Variants in ELP2 observed in about 807,000 individuals in gnomAD.
ELP2 encodes elongator complex protein 2.
ELP2 carries 90 observed loss-of-function variants against 119.2 expected under a neutral mutation model. The ratio of observed to expected loss-of-function variants is 0.75; its 90% CI spans 0.64 to 0.90. The LOEUF (loss-of-function observed/expected upper bound fraction) is 0.90. ELP2 is among the 40% of genes least tolerant of loss of function. ELP2 has a pLI of 0.00. For missense variants in ELP2, 921 were observed against 967.8 expected, an observed-to-expected ratio of 0.95 and a Z score of 0.64; for synonymous variants, 339 against 331.0, an observed-to-expected ratio of 1.02 and a Z score of -0.26.
chr18:36,168,661 C>T (rs1231443425), intron 19 of ELP2, among the ~76,000 whole-genome samples: 1 of 152,158 alleles, frequency 6.6e-6, no homozygotes, highest in Non-Finnish European at 1.5e-5. Flanking sequence ...CCTCCCACAA[C>T]ATACAGGGAT....
At chr18:36,137,440 G>A (rs969171436) in intron 3 of ELP2, among the ~76,000 whole-genome samples, 1 of 152,152 alleles carries the variant, frequency 6.6e-6, no homozygotes, top group African/African-American at 2.4e-5. Flanking sequence ...TTTAGTGGCA[G>A]AATTCTGTTT....
At chr18:36,161,435 A>G (rs1032962139) in intron 17 of ELP2, among the ~76,000 whole-genome samples, 2 of 152,144 alleles carry the variant, frequency 1.3e-5, no homozygotes, top group Non-Finnish European at 2.9e-5. Context: ...AATTTGATGA[A>G]TTTTAAATAA....
chr18:36,173,661 T>C (rs2091148091), intron 21 of ELP2, among the ~76,000 whole-genome samples: 1 of 152,230 alleles, frequency 6.6e-6, no homozygotes, highest in Admixed American at 6.5e-5. Flanking sequence ...GACTTCATTC[T>C]TCCCTTTTAA....
At position 36,178,114 on chromosome 18, in the gene ELP2, TC is replaced by T. The variant is rs1208675122; in HGVS notation, c.*3475del. 6.6e-6 allele frequency: 1 copy of T among 152,228 alleles called. No individual in the cohort carries two copies. The highest frequency in any genetic ancestry group is 1.9e-4 in the East Asian group (1 of 5,204). The allele number at this position is 152,228 out of a possible 1,614,324, so 9.4% of individuals were successfully genotyped here. A position where few individuals can be genotyped will look rare whatever the true frequency, so the allele number is the denominator to read the frequency against. On this transcript the variant is annotated 3_prime_UTR_variant, in exon 22 of 22. Coordinates refer to ENST00000358232, the MANE Select transcript of ELP2 (RefSeq NM_018255.4). ...TAACAAGCTGCCCTCCCCAACTCCC[TC>T]CTTCCTGTTTCTCCCTCCTCGGCAC...
chr18:36,146,183 C>T (rs1324726635), intron 10 of ELP2, 67 bp from the exon 11 acceptor site: 2 of 1,601,308 alleles, frequency 1.2e-6, no homozygotes, highest in African/African-American at 1.3e-5. Flanking sequence ...TCTCTGGAAT[C>T]AGCGATTTCT....
chr18:36,155,363 A>G (rs1022895221), intron 12 of ELP2, among the ~76,000 whole-genome samples: 1 of 151,568 alleles, frequency 6.6e-6, no homozygotes, highest in Non-Finnish European at 1.5e-5. Context: ...AACATCCATG[A>G]ACACAAGAAA....
intron 19 of ELP2, among the ~76,000 whole-genome samples, chr18:36,169,446 GC>G (rs2091011221): frequency 6.6e-6 from 1 of 150,962 alleles, no homozygotes; most frequent in Non-Finnish European, 1.5e-5. Context: ...GAGTGCAGTG[GC>G]ACGATCTCGG....
In ELP2 at chr18:36,144,935, A is replaced by G. The variant is rs748697232; in HGVS notation, c.797-4A>G. ...AAATAATACCTTCATTGCTTTTGTT[A>G]TAGGTGTTAAAATAGCATTTGCTGT... On this transcript the variant is annotated splice_region_variant and splice_polypyrimidine_tract_variant and intron_variant, in intron 8 of 21. Transcript: ENST00000358232. 1.2e-6 allele frequency: 2 copies of G among 1,609,052 alleles called. No homozygotes were observed. The highest frequency in any genetic ancestry group is 8.5e-7 in the Non-Finnish European group (1 of 1,175,518).
intron 7 of ELP2, 130 bp from the exon 8 acceptor site, chr18:36,142,693 TGGA>T (rs2041819970): frequency 1.6e-6 from 1 of 643,890 alleles, no homozygotes; most frequent in Non-Finnish European, 2.7e-6. Context: ...TCAAATGAAT[TGGA>T]GGGTAAGGAA....
At position 36,142,357 on chromosome 18, in the gene ELP2, A is replaced by C. The variant is rs200436432; in HGVS notation, c.655+10A>C. On this transcript the variant is annotated intron_variant, in intron 7 of 21. Coordinates refer to ENST00000358232, the MANE Select transcript of ELP2 (RefSeq NM_018255.4). ...GAATGGGCAGCCTTTGGTCAGTATG[A>C]AATTTTGCTAATGCACATACAATGG... The C allele has an allele frequency of 9.4e-4, 1,515 of 1,610,618 alleles. 2 individuals carry two copies. Among genetic ancestry groups the C allele is most frequent in the Non-Finnish European group, 1.1e-3 (1,353 of 1,176,966 alleles).
chr18:36,151,237 G>A (rs1446709676), intron 11 of ELP2, among the ~76,000 whole-genome samples: 1 of 151,676 alleles, frequency 6.6e-6, no homozygotes, highest in East Asian at 2.0e-4. Context: ...GGCAGGCACC[G>A]CCATGCCCGG....
rs757860550 is a variant in ELP2 at position 36,146,028 on chromosome 18, T to G, written c.973T>G (p.Ser325Ala). Residue 325 changes from serine (S) to alanine (A), a missense_variant, in exon 10 of 22, where the codon TCA (serine) becomes GCA (alanine). By Grantham distance (99) the Ser-to-Ala change is moderately conservative. Transcript: ENST00000358232. ...GATTCTCTGGGCTCCAGATGAAGAG[T>G]CAGGAGTTTGGCTAGAACAGGTAAA... ...TMILWAPDEE[S>A]GVWLEQVRVG... is the part of the protein sequence containing the mutation. The G allele has an allele frequency of 2.5e-6, 4 of 1,613,968 alleles. No homozygotes were observed. The East Asian group carries it at 8.9e-5, about 36-fold the overall frequency.
chr18:36,160,931 G>C lies in ELP2; in HGVS notation c.1689-1G>C, dbSNP rs146865567. The C allele has an allele frequency of 6.2e-7, 1 of 1,606,962 alleles. No individual in the cohort carries two copies. The highest frequency in any genetic ancestry group is 8.5e-7 in the Non-Finnish European group (1 of 1,173,768). On this transcript the variant is annotated splice_acceptor_variant, in intron 16 of 21. Transcript: ENST00000358232. LOFTEE classifies it high-confidence loss of function. ...GTACTTTTTTTCTTTTTAAATTTTA[G>C]ATATGGGCACGGTTATGAAATATTT...
intron 10 of ELP2, 88 bp downstream of exon 10, chr18:36,146,136 T>G (rs1823804248): frequency 1.9e-6 from 3 of 1,576,756 alleles, no homozygotes; most frequent in African/African-American, 1.3e-5. Context: ...ACCTGCAAAT[T>G]TTCACTGTGT....
At position 36,179,461 on chromosome 18, in the gene ELP2, G is replaced by C. The variant is rs966317041; in HGVS notation, c.*4820G>C. 11 of 127,286 alleles carry C rather than the reference G, an allele frequency of 8.6e-5. No individual in the cohort carries two copies. The East Asian group carries it at 2.3e-3, about 27-fold the overall frequency. 7.9% of individuals were successfully genotyped at this position (127,286 alleles called of 1,614,324 possible). On this transcript the variant is annotated 3_prime_UTR_variant, in exon 22 of 22. Transcript: ENST00000358232. ...ACTGCACTCCAGCCTGGGCAACAGA[G>C]TGAGACTCCATCTCAAAAAAAAAAA... is the stretch of plus-strand genomic sequence containing the variant.
At position 36,164,548 on chromosome 18, in the gene ELP2, T is replaced by C; in HGVS notation, c.1835T>C (p.Phe612Ser). The change falls in exon 18 of 22, where the codon TTC becomes TCC. Residue 612 changes from phenylalanine (F) to serine (S), a missense_variant. Coordinates refer to ENST00000358232, the MANE Select transcript of ELP2 (RefSeq NM_018255.4). ...TGGAAACAGGTGCAGAATTTAGTTT[T>C]CCACAGTTTGACAGTCACGCAGATG... is the stretch of plus-strand genomic sequence containing the variant. ...TSWKQVQNLVFHSLTVTQMAF... is the reference protein window; with the variant it reads ...TSWKQVQNLVSHSLTVTQMAF... The C allele has an allele frequency of 6.2e-7, 1 of 1,614,130 alleles. No homozygotes were observed. Among genetic ancestry groups the C allele is most frequent in the Non-Finnish European group, 8.5e-7 (1 of 1,179,988 alleles).
At position 36,175,541 on chromosome 18, in the gene ELP2, T is replaced by C. The variant is rs1214028932; in HGVS notation, c.*900T>C. On this transcript the variant is annotated 3_prime_UTR_variant, in exon 22 of 22. Transcript: ENST00000358232. ...ATCCTGACATTTAAACTGACAGATG[T>C]AGGAGGTAAAAAATAGAGTTCTGAA... is the stretch of plus-strand genomic sequence containing the variant. 1.3e-5 allele frequency: 2 copies of C among 152,178 alleles called. No individual in the cohort carries two copies. Among genetic ancestry groups the C allele is most frequent in the Admixed American group, 1.3e-4 (2 of 15,274 alleles). The allele number at this position is 152,178 out of a possible 1,614,324, so 9.4% of individuals were successfully genotyped here.
At chr18:36,141,381 G>A (rs1221383147) in intron 6 of ELP2, 180 bp downstream of exon 6, 4 of 616,540 alleles carry the variant, frequency 6.5e-6, no homozygotes, top group Non-Finnish European at 8.8e-6. Flanking sequence ...CCAAGTAACC[G>A]CTGCCTTGAC....
In ELP2 at chr18:36,174,689, A is replaced by G. The variant is rs759209466; in HGVS notation, c.*48A>G. 6.3e-6 allele frequency: 10 copies of G among 1,586,088 alleles called. No homozygotes were observed. In the Middle Eastern group the frequency reaches 1.2e-3, roughly 185 times the overall value. On this transcript the variant is annotated 3_prime_UTR_variant, in exon 22 of 22. Transcript: ENST00000358232. The stretch of plus-strand genomic sequence containing the variant: ...GCAGTCACTGGTATCTTAAAATATT[A>G]TCATGTAAACAGGTCATCTTTACCT...
Sources: allele counts gnomAD v4.1 joint callset (sites outside exome capture counted in the v4.1 genomes callset), GRCh38; gene constraint gnomAD v4.1.1; transcripts MANE v1.5; gene names NCBI Gene and HGNC (gene_info 2026-07-23, HGNC 2026-07-21).